Variants in RPS6KA6 observed in about 807,000 individuals in gnomAD.
RPS6KA6 encodes the protein ribosomal protein S6 kinase A6, also known as ribosomal protein S6 kinase alpha-6.
In RPS6KA6, 27 loss-of-function variants were observed where a neutral mutation model predicts 65.4. The observed-to-expected ratio is 0.41, with a 90% CI of 0.30 to 0.57. RPS6KA6 has a LOEUF of 0.57. Ranked by LOEUF, RPS6KA6 falls within the 20% of genes least tolerant of loss-of-function variation. RPS6KA6 has a pLI of 0.24. For missense variants in RPS6KA6, 486 were observed against 555.6 expected (o/e 0.87, Z 1.26); for synonymous variants, 190 against 184.2 (o/e 1.03, Z -0.26).
At chrX:84,144,090 C>G (rs1431420160) in intron 6 of RPS6KA6, among the ~76,000 whole-genome samples, 2 of 110,692 alleles carry the variant, frequency 1.8e-5, no homozygotes, top group Admixed American at 9.6e-5. Context: ...CTCTAGAAAA[C>G]ATAAGAGAAA....
At chrX:84,172,967 G>A (rs1315841618) in intron 1 of RPS6KA6, among the ~76,000 whole-genome samples, 1 of 110,908 alleles carries the variant, frequency 9.0e-6, no homozygotes, top group African/African-American at 3.3e-5. Context: ...GCAAAAAGGG[G>A]AGAATGGAAA....
Position 84,187,896 on chromosome X carries a change from G to A in RPS6KA6, c.4C>T (p.Leu2=). 2.5e-6 allele frequency: 3 copies of A among 1,196,813 alleles called. No homozygotes were observed. The highest frequency in any genetic ancestry group is 3.4e-6 in the Non-Finnish European group (3 of 887,986). M[L]PFAPQDEPWD... is the part of the protein sequence containing the mutation. The stretch of plus-strand genomic sequence containing the variant: ...GGCTCGTCCTGAGGAGCGAATGGTA[G>A]CATCTCCCCTTCAGGAGCACTCAAA... The change falls in exon 1 of 22, where the codon CTA becomes TTA. Residue 2 remains leucine, a synonymous_variant. Transcript: ENST00000262752.
chrX:84,092,988 A>C (rs1196865176), intron 20 of RPS6KA6, among the ~76,000 whole-genome samples: 2 of 112,345 alleles, frequency 1.8e-5, no homozygotes, highest in Admixed American at 1.9e-4. Flanking sequence ...TACACAATGA[A>C]ACACCATTCA....
chrX:84,180,317 T>C (rs2035831355), intron 1 of RPS6KA6, among the ~76,000 whole-genome samples: 1 of 112,320 alleles, frequency 8.9e-6, no homozygotes, highest in African/African-American at 3.2e-5. Flanking sequence ...AGTGCAAATT[T>C]CAAGTTCTGC....
At chrX:84,070,015 A>T (rs1602370129) in intron 20 of RPS6KA6, among the ~76,000 whole-genome samples, 1 of 112,029 alleles carries the variant, frequency 8.9e-6, no homozygotes, top group Non-Finnish European at 1.9e-5. Flanking sequence ...TTCCTCAAGG[A>T]TCTAGAACCA....
chrX:84,125,029 C>T (rs1277929998), intron 8 of RPS6KA6, among the ~76,000 whole-genome samples: 1 of 111,798 alleles, frequency 8.9e-6, no homozygotes, highest in Admixed American at 9.5e-5. Context: ...AAAAAAATTA[C>T]TTTATACTAT....
chrX:84,105,579 A>G (rs1179839032), intron 16 of RPS6KA6, among the ~76,000 whole-genome samples: 1 of 111,289 alleles, frequency 9.0e-6, no homozygotes, highest in African/African-American at 3.2e-5. Flanking sequence ...CTCATTTACC[A>G]ATCATCATAG....
chrX:84,154,086 A>G (rs2035374094), intron 3 of RPS6KA6, among the ~76,000 whole-genome samples: 1 of 111,344 alleles, frequency 9.0e-6, no homozygotes, highest in Non-Finnish European at 1.9e-5. Flanking sequence ...TGGTCTGTTT[A>G]ATCCGTTTCC....
In RPS6KA6 at chrX:84,059,652, C is replaced by T; in HGVS notation, c.*4625G>A. 1 of 105,165 alleles carries T rather than the reference C, an allele frequency of 9.5e-6. No individual in the cohort carries two copies. Among genetic ancestry groups the T allele is most frequent in the Non-Finnish European group, 2.0e-5 (1 of 50,986 alleles). The allele number at this position is 105,165 out of a possible 1,213,427, so 8.7% of individuals were successfully genotyped here. ...TAAACGAATGCAGTTAGTACATTCTCTATAATTGTCCACGTAAAATTAAAT... is the reference window on the plus strand; with the variant it reads ...TAAACGAATGCAGTTAGTACATTCTTTATAATTGTCCACGTAAAATTAAAT... On this transcript the variant is annotated 3_prime_UTR_variant, in exon 22 of 22. Coordinates refer to ENST00000262752, the MANE Select transcript of RPS6KA6 (RefSeq NM_014496.5).
intron 20 of RPS6KA6, among the ~76,000 whole-genome samples, chrX:84,066,556 C>CCTCTCTAGATTCCTT (rs762002279): frequency 9.0e-6 from 1 of 111,008 alleles, no homozygotes; most frequent in East Asian, 2.9e-4. Context: ...GACCAGACTG[C>CCTCTCTAGATTCCTT]CTCTCTAGAT....
rs924036735 is a variant in RPS6KA6 at position 84,075,031 on chromosome X, G to A, written c.1972-9920C>T. On this transcript the variant is annotated intron_variant, in intron 20 of 21. Coordinates refer to ENST00000262752, the MANE Select transcript of RPS6KA6 (RefSeq NM_014496.5). ...GGGTGGATCATGAGGTCAGGAGCTC[G>A]AGACCAGCCTGGCCAACATTGTGAA... Among the ~76,000 whole-genome samples, 13 of 111,526 alleles carry A rather than the reference G, an allele frequency of 1.2e-4. No individual in the cohort carries two copies. The East Asian group carries it at 2.0e-3, about 17-fold the overall frequency.
intron 1 of RPS6KA6, among the ~76,000 whole-genome samples, chrX:84,176,250 T>C (rs2035766495): frequency 8.9e-6 from 1 of 112,035 alleles, no homozygotes; most frequent in African/African-American, 3.2e-5. Flanking sequence ...GTGTTCCCAA[T>C]GCAAAGGCAC....
At chrX:84,131,741 G>A (rs2034901837) in intron 8 of RPS6KA6, among the ~76,000 whole-genome samples, 1 of 112,040 alleles carries the variant, frequency 8.9e-6, no homozygotes, top group African/African-American at 3.2e-5. Flanking sequence ...GATTAGACAA[G>A]CCATATGTTA....
Position 84,106,437 on chromosome X carries a change from A to G in RPS6KA6, c.1293T>C (p.Asp431=), listed in dbSNP as rs2034359829. The G allele has an allele frequency of 1.7e-6, 2 of 1,172,474 alleles. No individual in the cohort carries two copies. The highest frequency in any genetic ancestry group is 3.5e-5 in the African/African-American group (2 of 56,429). ...QFGEVYELKE[D]IGVGSYSVCK... The stretch of plus-strand genomic sequence containing the variant: ...AAACAGAGTAGGAGCCAACACCAAT[A>G]TCCTCCTTCAATTCATATACTTCAC... The change falls in exon 15 of 22, where the codon GAT becomes GAC. Residue 431 remains aspartate (D), a synonymous_variant. Coordinates refer to ENST00000262752, the MANE Select transcript of RPS6KA6 (RefSeq NM_014496.5).
chrX:84,077,500 G>T (rs2033686876), intron 20 of RPS6KA6, among the ~76,000 whole-genome samples: 1 of 111,426 alleles, frequency 9.0e-6, no homozygotes, highest in African/African-American at 3.3e-5. Context: ...ATGCAATTTG[G>T]TGAAGAAAGG....
intron 8 of RPS6KA6, among the ~76,000 whole-genome samples, chrX:84,121,842 G>T (rs1013263713): frequency 1.6e-4 from 18 of 111,888 alleles, no homozygotes; most frequent in African/African-American, 5.8e-4. Context: ...GTTAGACAAG[G>T]ATTTCTTAGA....
intron 20 of RPS6KA6, among the ~76,000 whole-genome samples, chrX:84,095,712 G>C (rs766669763): frequency 4.5e-5 from 5 of 111,346 alleles, no homozygotes; most frequent in Non-Finnish European, 9.5e-5. Flanking sequence ...AAGTGTATTT[G>C]CCTTGCATTA....
chrX:84,168,794 A>C (rs963142851), intron 1 of RPS6KA6, among the ~76,000 whole-genome samples: 2 of 111,736 alleles, frequency 1.8e-5, no homozygotes, highest in African/African-American at 6.5e-5. Flanking sequence ...TAGAAATAAA[A>C]TGAATGTGAA....
intron 20 of RPS6KA6, among the ~76,000 whole-genome samples, chrX:84,090,458 T>C (rs1032271359): frequency 9.0e-6 from 1 of 110,825 alleles, no homozygotes; most frequent in Non-Finnish European, 1.9e-5. Context: ...ATGTAAAGGA[T>C]AATGTATTAG....
Sources: gnomAD v4.1 joint callset for allele counts (sites outside exome capture counted in the v4.1 genomes callset) on GRCh38, gnomAD v4.1.1 for gene constraint, MANE v1.5 for transcripts, NCBI Gene and HGNC (gene_info 2026-07-23, HGNC 2026-07-21) for gene names.